XIRP2: variants seen among roughly 807,000 people sequenced by gnomAD.
XIRP2 encodes xin actin binding repeat containing 2, also known as xin actin-binding repeat-containing protein 2.
A neutral mutation model predicts 277.0 loss-of-function variants in XIRP2; 236 were observed. That is an observed-to-expected ratio of 0.85 (90% CI 0.77 to 0.95). The LOEUF (loss-of-function observed/expected upper bound fraction) is 0.95. Ranked by LOEUF, XIRP2 falls within the 40% of genes least tolerant of loss-of-function variation. The pLI, the probability that XIRP2 is intolerant of heterozygous loss-of-function variation, is 0.00. For missense variants in XIRP2, 4,640 were observed against 4,157.5 expected (o/e 1.12, Z -3.19); for synonymous variants, 1,490 against 1,416.5 (o/e 1.05, Z -1.17).
intron 5 of XIRP2, among the ~76,000 whole-genome samples, chr2:167,220,305 C>G (rs1304616077): frequency 5.3e-5 from 8 of 152,096 alleles, no homozygotes; most frequent in Non-Finnish European, 8.8e-5. Flanking sequence ...GGTTCAAATT[C>G]CTGCTCCTTT....
rs186465364 is a variant in XIRP2 at position 167,125,043 on chromosome 2, T to A, written c.409-10866T>A. Among the ~76,000 whole-genome samples, 164 of 152,270 alleles carry A rather than the reference T, an allele frequency of 1.1e-3. 1 individual carries two copies. The highest frequency in any genetic ancestry group is 0.01 in the Admixed American group (157 of 15,284). ...GCTGCTAAACCTTACTTCTCAATAC[T>A]TCATCAAGCCTTGTTAAATGAGGGG... is the stretch of plus-strand genomic sequence containing the variant. On this transcript the variant is annotated intron_variant, in intron 2 of 10. Coordinates refer to ENST00000409195, the MANE Select transcript of XIRP2 (RefSeq NM_152381.6).
At chr2:167,138,995 AG>A (rs1691635803) in intron 3 of XIRP2, among the ~76,000 whole-genome samples, 1 of 152,092 alleles carries the variant, frequency 6.6e-6, no homozygotes, top group South Asian at 2.1e-4. Context: ...TGAACCTGGC[AG>A]GTGGAGGCTT....
intron 3 of XIRP2, among the ~76,000 whole-genome samples, chr2:167,137,759 G>A (rs1283694311): frequency 2.0e-5 from 3 of 152,032 alleles, no homozygotes; most frequent in Admixed American, 2.0e-4. Flanking sequence ...ACACAAGGTG[G>A]GAAAATTGCA....
chr2:167,012,157 T>G (rs890468753), intron 2 of XIRP2, among the ~76,000 whole-genome samples: 1 of 151,900 alleles, frequency 6.6e-6, no homozygotes. Flanking sequence ...GATGTTAGGG[T>G]GTCAATTTTG....
chr2:166,900,934 G>A (rs889033641), intron 1 of XIRP2, among the ~76,000 whole-genome samples: 1 of 152,120 alleles, frequency 6.6e-6, no homozygotes, highest in Non-Finnish European at 1.5e-5. Flanking sequence ...TCACCATCAA[G>A]TGGGAACAAA....
At chr2:167,184,786 C>T (rs1308317769) in intron 3 of XIRP2, 2 of 617,930 alleles carry the variant, frequency 3.2e-6, no homozygotes, top group African/African-American at 1.9e-5. Context: ...TAATTACTAG[C>T]ATCATCCCAC....
chr2:167,186,357 A>G (rs1177153178), intron 3 of XIRP2, among the ~76,000 whole-genome samples: 1 of 152,200 alleles, frequency 6.6e-6, no homozygotes, highest in African/African-American at 2.4e-5. Flanking sequence ...TACTGATTTT[A>G]TTAGTAAGTA....
intron 2 of XIRP2, among the ~76,000 whole-genome samples, chr2:167,081,869 T>C (rs1689746045): frequency 6.6e-6 from 1 of 152,144 alleles, no homozygotes. Flanking sequence ...CCATCAATTG[T>C]GGTACCTTAC....
At chr2:166,899,869 T>C (rs1040403721) in intron 1 of XIRP2, among the ~76,000 whole-genome samples, 1 of 152,092 alleles carries the variant, frequency 6.6e-6, no homozygotes, top group Non-Finnish European at 1.5e-5. Context: ...CACAGTGCAT[T>C]ACCGTCCTAT....
chr2:167,079,167 T>C (rs1689661410), intron 2 of XIRP2, among the ~76,000 whole-genome samples: 1 of 152,208 alleles, frequency 6.6e-6, no homozygotes, highest in African/African-American at 2.4e-5. Context: ...CACGTATTGA[T>C]TTGCATATGT....
At chr2:166,890,578 T>C (rs557729973) in intron 1 of XIRP2, among the ~76,000 whole-genome samples, 78 of 152,268 alleles carry the variant, frequency 5.1e-4, no homozygotes, top group African/African-American at 1.9e-3. Context: ...TAAAAGTTTG[T>C]TTTTATTTTT....
intron 2 of XIRP2, among the ~76,000 whole-genome samples, chr2:167,125,291 G>A (rs1691169488): frequency 1.3e-5 from 2 of 152,146 alleles, no homozygotes; most frequent in African/African-American, 4.8e-5. Context: ...TGCTACAAGA[G>A]TTTTAGAGAA....
chr2:167,026,303 G>A (rs183292312), intron 2 of XIRP2, among the ~76,000 whole-genome samples: 4,582 of 151,898 alleles, frequency 0.03, 79 homozygotes, highest in East Asian at 0.082. Flanking sequence ...TTTTCCATTT[G>A]CTTGGTAGAT....
At chr2:166,920,232 A>G (rs760152680) in intron 2 of XIRP2, among the ~76,000 whole-genome samples, 1 of 152,162 alleles carries the variant, frequency 6.6e-6, no homozygotes, top group African/African-American at 2.4e-5. Context: ...GGCAAGAACT[A>G]TAATTATTCC....
At chr2:167,202,443 T>G (rs1230355213) in intron 3 of XIRP2, among the ~76,000 whole-genome samples, 1 of 152,238 alleles carries the variant, frequency 6.6e-6, no homozygotes, top group Non-Finnish European at 1.5e-5. Flanking sequence ...GACATGTCTA[T>G]AGAAAAAGAA....
At chr2:167,112,642 G>T (rs113618489) in intron 2 of XIRP2, among the ~76,000 whole-genome samples, 293 of 144,720 alleles carry the variant, frequency 2.0e-3, no homozygotes, top group African/African-American at 6.5e-3. Context: ...TATATATATA[G>T]AGAGAGATTT....
chr2:166,966,584 T>G (rs1686439729), intron 2 of XIRP2, among the ~76,000 whole-genome samples: 1 of 151,932 alleles, frequency 6.6e-6, no homozygotes, highest in African/African-American at 2.4e-5. Flanking sequence ...CACCTCACTT[T>G]TGCTACTTCT....
rs186297261 is a variant in XIRP2 at position 167,066,354 on chromosome 2, A to G, written c.409-69555A>G. Among the ~76,000 whole-genome samples the G allele has an allele frequency of 2.9e-3, 438 of 152,138 alleles. 1 individual carries two copies. Among genetic ancestry groups the G allele is most frequent in the African/African-American group, 0.01 (417 of 41,560 alleles). ...ACATTTCTCTAAAGAAGACTTTCAA[A>G]TAGCCAATGGGTGTACAAAAAGGTG... is the stretch of plus-strand genomic sequence containing the variant. On this transcript the variant is annotated intron_variant, in intron 2 of 10. Coordinates refer to ENST00000409195, the MANE Select transcript of XIRP2 (RefSeq NM_152381.6).
At position 167,246,687 on chromosome 2, in the gene XIRP2, A is replaced by G. The variant is rs1454409502; in HGVS notation, c.5295A>G (p.Ser1765=). The G allele has an allele frequency of 1.9e-6, 3 of 1,613,780 alleles. No homozygotes were observed. The highest frequency in any genetic ancestry group is 1.7e-5 in the Admixed American group (1 of 59,980). Residue 1765 remains serine (S), a synonymous_variant, in exon 9 of 11, where the codon TCA becomes TCG. Transcript: ENST00000409195. ...LDYLKQLHTE[S]NETLTAKKQE... is the part of the protein sequence containing the mutation. Reference sequence around the variant, plus strand: ...ATCTGAAACAACTCCACACAGAGTCAAATGAAACACTGACAGCTAAGAAAC... The same window carrying G: ...ATCTGAAACAACTCCACACAGAGTCGAATGAAACACTGACAGCTAAGAAAC...
Sources: gnomAD v4.1 joint callset for allele counts (sites outside exome capture counted in the v4.1 genomes callset) on GRCh38, gnomAD v4.1.1 for gene constraint, MANE v1.5 for transcripts, NCBI Gene and HGNC (gene_info 2026-07-23, HGNC 2026-07-21) for gene names.